Variants in APOH observed in about 807,000 individuals in gnomAD.
The protein encoded by APOH is beta-2-glycoprotein 1.
In APOH, 48 loss-of-function variants were observed where a neutral mutation model predicts 39.8. The ratio of observed to expected loss-of-function variants is 1.21; its 90% CI spans 0.96 to 1.54. The LOEUF (loss-of-function observed/expected upper bound fraction) is 1.54, where lower values mean the gene tolerates loss of function less well. Among genes scored for constraint, APOH ranks in the 40% most tolerant of loss-of-function variants. The pLI, the probability that APOH is intolerant of heterozygous loss-of-function variation, is 0.00. For missense variants in APOH, 415 were observed against 421.2 expected (o/e 0.99, Z 0.13); for synonymous variants, 153 against 151.1 (o/e 1.01, Z -0.09).
At chr17:66,222,316 C>G (rs537787724) in intron 4 of APOH, among the ~76,000 whole-genome samples, 50 of 151,812 alleles carry the variant, frequency 3.3e-4, no homozygotes, top group Admixed American at 3.1e-3. Context: ...CCCAGGAGAT[C>G]GAAGTTACAG....
At chr17:66,221,325 G>GGAAA (rs540526848) in intron 4 of APOH, among the ~76,000 whole-genome samples, 11 of 119,822 alleles carry the variant, frequency 9.2e-5, no homozygotes, top group Non-Finnish European at 1.7e-4. Flanking sequence ...AAGAAAGGAA[G>GGAAA]GAAAGAAAGA....
intron 6 of APOH, among the ~76,000 whole-genome samples, chr17:66,215,354 C>T (rs188893242): frequency 7.2e-4 from 110 of 152,334 alleles, no homozygotes; most frequent in Admixed American, 7.0e-3. Context: ...AGGCCCCATC[C>T]CAGATCTACC....
chr17:66,226,119 C>A lies in APOH; in HGVS notation c.247G>T (p.Val83Leu). 1 of 1,606,882 alleles carries A rather than the reference C, an allele frequency of 6.2e-7. No homozygotes were observed. The highest frequency in any genetic ancestry group is 8.5e-7 in the Non-Finnish European group (1 of 1,177,010). Reference protein sequence around the residue: ...PINTLKCTPRVCPFAGILENG... With the variant: ...PINTLKCTPRLCPFAGILENG... ...TCTAAGATTCCAGCAAAAGGACATA[C>A]TCTGGCTGTGATACAAAGATAAAAA... Residue 83 changes from valine (V) to leucine (L), a missense_variant, in exon 3 of 8, where the codon GTA (valine) becomes TTA (leucine). This residue lies in a region of APOH where 288 missense variants were observed against 284.9 expected (regional missense o/e 1.01). Transcript: ENST00000205948.
intron 3 of APOH, 50 bp downstream of exon 3, chr17:66,225,978 A>G: frequency 2.3e-6 from 3 of 1,326,504 alleles, no homozygotes; most frequent in Non-Finnish European, 2.1e-6. Context: ...GCTTAAGGAT[A>G]CAAAAATGTG....
intron 7 of APOH, among the ~76,000 whole-genome samples, chr17:66,212,798 A>G (rs1293217074): frequency 6.6e-6 from 1 of 152,244 alleles, no homozygotes; most frequent in African/African-American, 2.4e-5. Flanking sequence ...GCATCTGTCC[A>G]AAGACCATAA....
rs776353722 is a variant in APOH, at chr17:66,214,409, C to G, written c.982+44G>C. ...AGAACAAAGGCTCTGATTATGATGA[C>G]GGGCAAGTGGGAGTCCTAGCTAAAC... On this transcript the variant is annotated intron_variant, in intron 7 of 7. Coordinates refer to ENST00000205948, the MANE Select transcript of APOH (RefSeq NM_000042.3). 18 of 1,544,008 alleles carry G rather than the reference C, an allele frequency of 1.2e-5. No homozygotes were observed. The Admixed American group carries it at 3.1e-4, about 26-fold the overall frequency.
intron 4 of APOH, among the ~76,000 whole-genome samples, chr17:66,222,662 C>T (rs976065942): frequency 1.3e-5 from 2 of 149,300 alleles, no homozygotes; most frequent in Non-Finnish European, 3.0e-5. Context: ...ACCTCCGCCT[C>T]CCGGGTTCAA....
chr17:66,224,522 T>A (rs1021512136), intron 3 of APOH, among the ~76,000 whole-genome samples: 753 of 63,894 alleles, frequency 0.012, no homozygotes, highest in Middle Eastern at 0.024. Flanking sequence ...AAGGAAAAAG[T>A]AAGGAAGGAG....
In APOH at chr17:66,214,506, G is replaced by T. The variant is rs2073353018; in HGVS notation, c.929C>A (p.Thr310Lys). ...GCCATCTATACACTGAGCATCCTCTGTATAGCTACACTTCTTTTCCTTATT... is the reference window on the plus strand; with the variant it reads ...GCCATCTATACACTGAGCATCCTCTTTATAGCTACACTTCTTTTCCTTATT... ...CKNKEKKCSY[T>K]EDAQCIDGTI... Residue 310 changes from threonine (T) to lysine (K), a missense_variant, in exon 7 of 8, where the codon ACA (threonine) becomes AAA (lysine). Physicochemically the swap from Thr to Lys is moderately conservative, Grantham distance 78 (BLOSUM62 -1). Transcript: ENST00000205948. 2 of 1,614,046 alleles carry T rather than the reference G, an allele frequency of 1.2e-6. No homozygotes were observed. The highest frequency in any genetic ancestry group is 3.3e-5 in the Admixed American group (2 of 60,000).
chr17:66,228,230 T>C, intron 1 of APOH, 34 bp from the exon 2 acceptor site: 1 of 1,591,260 alleles, frequency 6.3e-7, no homozygotes, highest in Non-Finnish European at 8.6e-7. Context: ...GGTTAACAAA[T>C]CTCTATTTGC....
chr17:66,213,520 G>A (rs1277551910), intron 7 of APOH, among the ~76,000 whole-genome samples: 1 of 152,176 alleles, frequency 6.6e-6, no homozygotes, highest in Non-Finnish European at 1.5e-5. Context: ...CCAAGATGAG[G>A]TAGATATTTT....
At chr17:66,215,341 G>T (rs1173069521) in intron 6 of APOH, among the ~76,000 whole-genome samples, 1 of 152,204 alleles carries the variant, frequency 6.6e-6, no homozygotes, top group Non-Finnish European at 1.5e-5. Context: ...AATGCAAATT[G>T]TCAGGCCCCA....
At chr17:66,223,891 T>A in intron 3 of APOH, 117 bp from the exon 4 acceptor site, 1 of 883,874 alleles carries the variant, frequency 1.1e-6, no homozygotes, top group Non-Finnish European at 1.8e-6. Context: ...TTCCATCGTA[T>A]AATGCTGTCT....
intron 2 of APOH, among the ~76,000 whole-genome samples, chr17:66,226,393 T>C (rs368502826): frequency 4.6e-5 from 7 of 152,288 alleles, no homozygotes; most frequent in African/African-American, 1.7e-4. Flanking sequence ...ATCCCAGCAC[T>C]TTGGGAGGCA....
chr17:66,221,361 G>A (rs1259547588), intron 4 of APOH, among the ~76,000 whole-genome samples: 4 of 98,536 alleles, frequency 4.1e-5, no homozygotes, highest in Non-Finnish European at 8.3e-5. Flanking sequence ...GAAAGAGGAG[G>A]GGAGGGGAGG....
rs1157005765 is a variant in APOH at position 66,229,364 on chromosome 17, G to A, written c.16C>T (p.Leu6Phe). 6.2e-7 allele frequency: 1 copy of A among 1,613,822 alleles called. No homozygotes were observed. Among genetic ancestry groups the A allele is most frequent in the Non-Finnish European group, 8.5e-7 (1 of 1,179,796 alleles). ...CAGAGAAAACTCGAGAACAAGATGA[G>A]CACTGGAGAAATCATTGTGGATGAG... MISPV[L>F]ILFSSFLCHV... Residue 6 changes from leucine (L) to phenylalanine (F), a missense_variant, in exon 1 of 8, where the codon CTC (leucine) becomes TTC (phenylalanine). Physicochemically the swap from Leu to Phe is conservative, Grantham distance 22. Coordinates refer to ENST00000205948, the MANE Select transcript of APOH (RefSeq NM_000042.3).
chr17:66,226,894 TA>T (rs143684712), intron 2 of APOH, among the ~76,000 whole-genome samples: 1,862 of 92,856 alleles, frequency 0.02, 39 homozygotes, highest in African/African-American at 0.095. Context: ...TTTATTTATT[TA>T]TTTTTTTTTT....
chr17:66,213,665 G>A (rs764362184), intron 7 of APOH, among the ~76,000 whole-genome samples: 5 of 152,158 alleles, frequency 3.3e-5, no homozygotes, highest in African/African-American at 7.2e-5. Context: ...GAGGCTGGGC[G>A]CGTAGCTCAT....
chr17:66,221,012 G>A lies in APOH; in HGVS notation c.416-270C>T, dbSNP rs879535095. Among the ~76,000 whole-genome samples, 3 of 152,044 alleles carry A rather than the reference G, an allele frequency of 2.0e-5. No homozygotes were observed. The East Asian group carries it at 5.8e-4, about 30-fold the overall frequency. On this transcript the variant is annotated intron_variant, in intron 4 of 7. Coordinates refer to ENST00000205948, the MANE Select transcript of APOH (RefSeq NM_000042.3). ...ATTTCAGACCAGCCTGGTCAACATG[G>A]TGAAACCCCGTCTCTACCAAAAATA... is the stretch of plus-strand genomic sequence containing the variant.
Sources: allele counts gnomAD v4.1 joint callset (sites outside exome capture counted in the v4.1 genomes callset), GRCh38; gene constraint gnomAD v4.1.1; regional missense constraint gnomAD v4.1.1; transcripts MANE v1.5; gene names NCBI Gene and HGNC (gene_info 2026-07-23, HGNC 2026-07-21).